MROH1: variants seen among roughly 807,000 people sequenced by gnomAD.
The protein encoded by MROH1 is maestro heat-like repeat-containing protein family member 1.
In MROH1, 117 loss-of-function variants were observed where a neutral mutation model predicts 116.5. The ratio of observed to expected loss-of-function variants is 1.00; its 90% CI spans 0.86 to 1.17. The LOEUF (loss-of-function observed/expected upper bound fraction) is 1.17, where lower values mean the gene tolerates loss of function less well. Ranked by LOEUF, MROH1 falls within the 50% of genes most tolerant of loss-of-function variation. The probability of loss-of-function intolerance (pLI) is 0.00; values close to 1 mark genes in which losing one functional copy is unlikely to be tolerated. For missense variants in MROH1, 1,873 were observed against 1,338.5 expected (o/e 1.40, Z -6.23); for synonymous variants, 921 against 583.9 (o/e 1.58, Z -8.32).
At chr8:144,189,461 C>T (rs1177820431) in intron 7 of MROH1, among the ~76,000 whole-genome samples, 2 of 152,206 alleles carry the variant, frequency 1.3e-5, no homozygotes, top group Admixed American at 6.5e-5. Flanking sequence ...GAGTTCGGCC[C>T]ATGTCCTGGG....
chr8:144,184,750 A>C (rs987040596), intron 7 of MROH1, among the ~76,000 whole-genome samples: 1 of 152,186 alleles, frequency 6.6e-6, no homozygotes, highest in Non-Finnish European at 1.5e-5. Context: ...GAGCACCCCC[A>C]GCTACAGAGC....
chr8:144,195,195 T>TAA lies in MROH1; in HGVS notation c.948+2817_948+2818dup, dbSNP rs561902621. 5.1e-3 allele frequency among the ~76,000 whole-genome samples: 60 copies of TAA among 11,684 alleles called. 14 individuals carry two copies. In the South Asian group the frequency reaches 0.089, roughly 17 times the overall value. The allele number at this position is 11,684 out of a possible 152,430, so 7.7% of individuals were successfully genotyped here. On this transcript the variant is annotated intron_variant, in intron 10 of 43. Coordinates refer to ENST00000326134, the MANE Select transcript of MROH1 (RefSeq NM_032450.3). The stretch of plus-strand genomic sequence containing the variant: ...GGGTGACAGTGCGAGACTGTGTCTT[T>TAA]AAAAAAAAAAAAAAAAAAAAAAAAG...
rs1184052811 is a variant in MROH1, at chr8:144,148,413, C to T, written c.-177+337C>T. Among the ~76,000 whole-genome samples the T allele has an allele frequency of 2.6e-5, 4 of 152,200 alleles. No homozygotes were observed. In the South Asian group the frequency reaches 6.2e-4, roughly 24 times the overall value. On this transcript the variant is annotated intron_variant, in intron 1 of 43. Coordinates refer to ENST00000326134, the MANE Select transcript of MROH1 (RefSeq NM_032450.3). ...CGCCCCTCCGCGGGAGCCCGGTGGT[C>T]CCCGGTGCCCGCCCCTCCTGTGAGC...
At chr8:144,198,047 CAAA>C (rs11366876) in intron 10 of MROH1, among the ~76,000 whole-genome samples, 11 of 116,804 alleles carry the variant, frequency 9.4e-5, no homozygotes, top group Non-Finnish European at 1.6e-4. Context: ...AAAACTGTTT[CAAA>C]AAAAAAAAAA....
At chr8:144,254,445 C>T (rs1161510646) in intron 33 of MROH1, 3 of 202,548 alleles carry the variant, frequency 1.5e-5, no homozygotes, top group Non-Finnish European at 3.0e-5. Flanking sequence ...CCAGGTCTCC[C>T]TGGGAGCTGC....
chr8:144,194,587 T>C (rs953561207), intron 10 of MROH1, among the ~76,000 whole-genome samples: 1 of 152,164 alleles, frequency 6.6e-6, no homozygotes, highest in Non-Finnish European at 1.5e-5. Flanking sequence ...ATTCATCACC[T>C]GTCCACCTTT....
In MROH1 at chr8:144,260,186, G is replaced by A. The variant is rs1454160148; in HGVS notation, c.4192G>A (p.Val1398Met). The A allele has an allele frequency of 3.9e-6, 3 of 764,822 alleles. No homozygotes were observed. The highest frequency in any genetic ancestry group is 3.4e-5 in the African/African-American group (2 of 59,238). The allele number at this position is 764,822 out of a possible 1,614,324, so 47.4% of individuals were successfully genotyped here. A position where few individuals can be genotyped will look rare whatever the true frequency, so the allele number is the denominator to read the frequency against. ...ANLASGCPDK[V>M]RTHGPQLLTA... ...CAGGCTGAGTGTAAGGTATCCTCAG[G>A]TGCGAACCCACGGCCCCCAGCTCCT... The change falls in exon 39 of 44, where the codon GTG becomes ATG. Residue 1398 changes from valine (V) to methionine (M), a missense_variant and splice_region_variant. Val to Met is a conservative substitution (Grantham distance 21). Coordinates refer to ENST00000326134, the MANE Select transcript of MROH1 (RefSeq NM_032450.3).
At chr8:144,230,810 T>C (rs28877958) in intron 14 of MROH1, among the ~76,000 whole-genome samples, 3 of 144,040 alleles carry the variant, frequency 2.1e-5, no homozygotes, top group Admixed American at 6.8e-5. Flanking sequence ...TTCTTTTTTT[T>C]TTTTTTTTTT....
intron 7 of MROH1, among the ~76,000 whole-genome samples, chr8:144,186,330 C>A (rs932599400): frequency 2.0e-5 from 3 of 152,086 alleles, no homozygotes; most frequent in African/African-American, 4.8e-5. Context: ...CCATGTTGGC[C>A]AGGCTGGTCT....
At chr8:144,183,138 G>A (rs1046299942) in intron 7 of MROH1, among the ~76,000 whole-genome samples, 2 of 152,096 alleles carry the variant, frequency 1.3e-5, no homozygotes, top group Non-Finnish European at 2.9e-5. Flanking sequence ...AGTACTTTGG[G>A]AGGCCAAAAT....
Position 144,169,460 on chromosome 8 carries a change from T to TA in MROH1, c.168+1020_168+1021insA, listed in dbSNP as rs1397751362. On this transcript the variant is annotated intron_variant, in intron 4 of 43. Transcript: ENST00000326134. ...AAATTTATTTATTCATTATTGTTAT[T>TA]TTTTTTTTTTGAGATGGAGTCTCAC... Among the ~76,000 whole-genome samples, 103 of 149,276 alleles carry TA rather than the reference T, an allele frequency of 6.9e-4. 1 individual carries two copies. The South Asian group carries it at 0.011, about 16-fold the overall frequency.
intron 35 of MROH1, among the ~76,000 whole-genome samples, chr8:144,257,822 G>A (rs1844183608): frequency 6.6e-6 from 1 of 152,266 alleles, no homozygotes; most frequent in Non-Finnish European, 1.5e-5. Flanking sequence ...TTTGGGCCAG[G>A]TGCTCCTGAG....
At position 144,241,436 on chromosome 8, in the gene MROH1, C is replaced by A; in HGVS notation, c.2097C>A (p.Leu699=). ...TCGGGATCTGTGCCATCTCCCACCT[C>A]GAGGACACGCTGGCCCAGCTGGAGG... ...CCFGICAISH[L]EDTLAQLEDF... The change falls in exon 22 of 44, where the codon CTC becomes CTA. Residue 699 remains leucine (L), a synonymous_variant. Coordinates refer to ENST00000326134, the MANE Select transcript of MROH1 (RefSeq NM_032450.3). The A allele has an allele frequency of 1.3e-6, 1 of 778,612 alleles. No homozygotes were observed. The allele number at this position is 778,612 out of a possible 1,614,324, so 48.2% of individuals were successfully genotyped here. A position where few individuals can be genotyped will look rare whatever the true frequency, so the allele number is the denominator to read the frequency against.
intron 12 of MROH1, among the ~76,000 whole-genome samples, chr8:144,207,175 TTGGGGGG>T (rs1833005739): frequency 6.6e-6 from 1 of 150,560 alleles, no homozygotes; most frequent in Admixed American, 6.6e-5. Context: ...AGTCTTTTTT[TTGGGGGG>T]TGGGGGGCCA....
rs189279002 is a variant in MROH1, at chr8:144,234,772, C to G, written c.1339-3984C>G. ...ACCTCAAGCCATCTACCCACCTTGG[C>G]CTCCTTAAGTGCTGGGACCACAGGT... is the stretch of plus-strand genomic sequence containing the variant. On this transcript the variant is annotated intron_variant, in intron 14 of 43. Coordinates refer to ENST00000326134, the MANE Select transcript of MROH1 (RefSeq NM_032450.3). 1.1e-4 allele frequency among the ~76,000 whole-genome samples: 17 copies of G among 150,984 alleles called. No individual in the cohort carries two copies. In the East Asian group the frequency reaches 3.1e-3, roughly 28 times the overall value.
At chr8:144,195,276 C>T (rs1322055090) in intron 10 of MROH1, among the ~76,000 whole-genome samples, 2 of 144,338 alleles carry the variant, frequency 1.4e-5, no homozygotes, top group Non-Finnish European at 3.0e-5. Context: ...CCAAGGCAGG[C>T]AGATCACGAG....
At chr8:144,156,167 G>A (rs1818009209) in intron 1 of MROH1, among the ~76,000 whole-genome samples, 1 of 151,268 alleles carries the variant, frequency 6.6e-6, no homozygotes, top group South Asian at 2.1e-4. Context: ...AACCCGGGAG[G>A]TGGAGGTTGT....
intron 4 of MROH1, 25 bp from the exon 5 acceptor site, chr8:144,179,430 C>G (rs536607984): frequency 5.0e-6 from 8 of 1,609,684 alleles, no homozygotes; most frequent in Non-Finnish European, 6.8e-6. Flanking sequence ...CACCTGGGAC[C>G]GACCTGGACG....
Position 144,260,715 on chromosome 8 carries a change from T to C in MROH1, c.4419T>C (p.Phe1473=), listed in dbSNP as rs1039197792. ...MEFRTASIRL[F]GHLNKVCHGD... ...TCCGGACGGCATCTATCCGCCTCTTTGGGCACCTTAACAAGGTCTGCCACG... is the reference window on the plus strand; with the variant it reads ...TCCGGACGGCATCTATCCGCCTCTTCGGGCACCTTAACAAGGTCTGCCACG... The change falls in exon 40 of 44, where the codon TTT becomes TTC. Residue 1473 remains phenylalanine (F), a synonymous_variant. Coordinates refer to ENST00000326134, the MANE Select transcript of MROH1 (RefSeq NM_032450.3). 178 of 779,648 alleles carry C rather than the reference T, an allele frequency of 2.3e-4. No homozygotes were observed. The African/African-American group carries it at 2.6e-3, about 11-fold the overall frequency. 48.3% of individuals were successfully genotyped at this position (779,648 alleles called of 1,614,324 possible). A position where few individuals can be genotyped will look rare whatever the true frequency, so the allele number is the denominator to read the frequency against.
Sources: gnomAD v4.1 joint callset for allele counts (sites outside exome capture counted in the v4.1 genomes callset) on GRCh38, gnomAD v4.1.1 for gene constraint, MANE v1.5 for transcripts, NCBI Gene and HGNC (gene_info 2026-07-23, HGNC 2026-07-21) for gene names.